The following SAMMSON variants were observed in gnomAD, a reference collection of about 807,000 sequenced individuals.
The protein encoded by SAMMSON is survival associated mitochondrial melanoma specific oncogenic non-coding RNA.
chr3:70,339,733 T>C (rs1428759798), intron 7 of SAMMSON, among the ~76,000 whole-genome samples: 4 of 151,964 alleles, frequency 2.6e-5, no homozygotes, highest in Admixed American at 2.6e-4. Context: ...AGAATGGCGA[T>C]CATTAAAAAG....
chr3:70,097,660 T>C (rs577451859), intron 4 of SAMMSON, among the ~76,000 whole-genome samples: 1 of 152,176 alleles, frequency 6.6e-6, no homozygotes, highest in African/African-American at 2.4e-5. Flanking sequence ...ATTTGTATCA[T>C]TAACCTCTTA....
chr3:70,322,773 C>T (rs941715523), intron 7 of SAMMSON, among the ~76,000 whole-genome samples: 1 of 151,972 alleles, frequency 6.6e-6, no homozygotes, highest in African/African-American at 2.4e-5. Context: ...TTTATTTGAT[C>T]TTATCTGAGA....
At chr3:70,007,506 G>T (rs1461902381) in intron 1 of SAMMSON, among the ~76,000 whole-genome samples, 1 of 151,986 alleles carries the variant, frequency 6.6e-6, no homozygotes, top group African/African-American at 2.4e-5. Flanking sequence ...TTTTTTTCAT[G>T]TAACTTTGTT....
rs183779491 is a variant in SAMMSON at position 70,000,923 on chromosome 3, A to T, written n.22+1056A>T. On this transcript the variant is annotated intron_variant and non_coding_transcript_variant, in intron 1 of 9. Transcript: ENST00000642114. ...CAGCGTGATGACCAAATAACCCTTG[A>T]CTATTTATCTTGCCGTAAGTCATTA... Among the ~76,000 whole-genome samples, 19 of 152,270 alleles carry T rather than the reference A, an allele frequency of 1.2e-4. No homozygotes were observed. In the East Asian group the frequency reaches 3.5e-3, roughly 28 times the overall value.
chr3:70,141,379 C>G (rs2067526950), intron 4 of SAMMSON, among the ~76,000 whole-genome samples: 1 of 152,108 alleles, frequency 6.6e-6, no homozygotes, highest in African/African-American at 2.4e-5. Context: ...ATGGATGTCC[C>G]AGCTCTAAGA....
chr3:70,282,333 C>T (rs1702094091), intron 6 of SAMMSON, among the ~76,000 whole-genome samples: 1 of 152,162 alleles, frequency 6.6e-6, no homozygotes, highest in Non-Finnish European at 1.5e-5. Flanking sequence ...ATCTGATGTG[C>T]TCCCCTATCA....
intron 4 of SAMMSON, among the ~76,000 whole-genome samples, chr3:70,208,591 C>T (rs1280798285): frequency 6.6e-6 from 1 of 152,046 alleles, no homozygotes; most frequent in Non-Finnish European, 1.5e-5. Context: ...TGAAGCTCCT[C>T]AGGTGATTCC....
At chr3:70,058,962 A>G (rs1427204580) in intron 3 of SAMMSON, among the ~76,000 whole-genome samples, 1 of 152,058 alleles carries the variant, frequency 6.6e-6, no homozygotes, top group Non-Finnish European at 1.5e-5. Context: ...GTCAGCGGGA[A>G]GGTATTAATA....
intron 4 of SAMMSON, among the ~76,000 whole-genome samples, chr3:70,211,399 TCC>T (rs1701345227): frequency 1.6e-4 from 1 of 6,160 alleles, no homozygotes; most frequent in Non-Finnish European, 1.1e-3. Flanking sequence ...TCCCTTCCCT[TCC>T]TTTTGCCCTT....
chr3:70,413,300 A>G (rs1559584116), intron 2 of SAMMSON, among the ~76,000 whole-genome samples: 1 of 152,110 alleles, frequency 6.6e-6, no homozygotes, highest in African/African-American at 2.4e-5. Flanking sequence ...TATTGCCTCA[A>G]TGGCCGTTTA....
At chr3:70,371,540 G>C (rs57638173) in intron 9 of SAMMSON, among the ~76,000 whole-genome samples, 27,422 of 151,648 alleles carry the variant, frequency 0.18, 2,813 homozygotes, top group East Asian at 0.42. Flanking sequence ...TTTTTGTTTT[G>C]TAGAGGTCTG....
chr3:70,034,485 C>T (rs1183509877), intron 3 of SAMMSON, among the ~76,000 whole-genome samples: 1 of 152,156 alleles, frequency 6.6e-6, no homozygotes, highest in African/African-American at 2.4e-5. Context: ...TATATACCCT[C>T]CAGCAGTTTG....
intron 9 of SAMMSON, among the ~76,000 whole-genome samples, chr3:70,375,402 G>GTT (rs79379255): frequency 1.5e-5 from 2 of 133,604 alleles, no homozygotes; most frequent in South Asian, 2.4e-4. Flanking sequence ...GTTTTTTGTT[G>GTT]TTTTTTTTTT....
chr3:70,137,810 A>G (rs564063263), intron 4 of SAMMSON: 8 of 152,316 alleles, frequency 5.3e-5, no homozygotes, highest in South Asian at 2.1e-4. Context: ...ATTTTTTACC[A>G]TAAGTCTCTA....
chr3:70,434,424 A>C (rs1176343147), intron 2 of SAMMSON, among the ~76,000 whole-genome samples: 2 of 152,114 alleles, frequency 1.3e-5, no homozygotes, highest in Admixed American at 1.3e-4. Context: ...CTATGTGTTC[A>C]TTATTGGCAT....
chr3:70,143,658 G>A (rs2067536923), intron 4 of SAMMSON, among the ~76,000 whole-genome samples: 1 of 152,136 alleles, frequency 6.6e-6, no homozygotes, highest in Non-Finnish European at 1.5e-5. Context: ...TTTGCTGGGT[G>A]AGAGTAGAGG....
At chr3:70,298,848 T>C (rs1008371101) in intron 7 of SAMMSON, among the ~76,000 whole-genome samples, 1 of 152,194 alleles carries the variant, frequency 6.6e-6, no homozygotes, top group Admixed American at 6.6e-5. Context: ...GACCTGGTCC[T>C]GTTGTTTACT....
intron 4 of SAMMSON, among the ~76,000 whole-genome samples, chr3:70,138,417 A>G (rs1287958699): frequency 6.6e-6 from 1 of 152,024 alleles, no homozygotes; most frequent in Non-Finnish European, 1.5e-5. Flanking sequence ...TTTCCCTGTA[A>G]CCTCACGTGG....
At chr3:70,088,083 C>T (rs1277745269) in intron 4 of SAMMSON, among the ~76,000 whole-genome samples, 13 of 152,168 alleles carry the variant, frequency 8.5e-5, no homozygotes, top group Admixed American at 8.5e-4. Context: ...GTTCTGCCTT[C>T]CTCTGTGATG....
Sources: allele counts gnomAD v4.1 joint callset (sites outside exome capture counted in the v4.1 genomes callset), GRCh38; gene constraint gnomAD v4.1.1; transcripts MANE v1.5; gene names NCBI Gene and HGNC (gene_info 2026-07-23, HGNC 2026-07-21).